The following GNAI1 variants were observed in gnomAD, a reference collection of about 807,000 sequenced individuals.
GNAI1 encodes the protein guanine nucleotide-binding protein G(i) subunit alpha-1.
In GNAI1, 11 loss-of-function variants were observed where a neutral mutation model predicts 38.9. The observed-to-expected ratio is 0.28, with a 90% confidence interval of 0.18 to 0.47. GNAI1 has a LOEUF of 0.47. Among genes scored for constraint, GNAI1 ranks in the 20% least tolerant of loss-of-function variants. The pLI, the probability that GNAI1 is intolerant of heterozygous loss-of-function variation, is 0.99. For synonymous variants in GNAI1, 166 were observed against 145.1 expected (o/e 1.14, Z -1.04); for missense variants, 317 against 436.9 (o/e 0.73, Z 2.45).
At chr7:80,147,851 T>A (rs536514829) in intron 1 of GNAI1, among the ~76,000 whole-genome samples, 1 of 152,338 alleles carries the variant, frequency 6.6e-6, no homozygotes, top group East Asian at 1.9e-4. Flanking sequence ...AGTTACGACA[T>A]CTGGTTCTTA....
chr7:80,203,881 T>G (rs1454819844), intron 5 of GNAI1, 49 bp downstream of exon 5: 3 of 1,077,748 alleles, frequency 2.8e-6, no homozygotes, highest in Non-Finnish European at 2.7e-6. Flanking sequence ...AAAAACACAT[T>G]GCTTTAGAAA....
Position 80,224,455 on chromosome 7 carries a change from ATTTCT to A in GNAI1, c.*6964_*6968del, listed in dbSNP as rs1179286683. Among the ~76,000 whole-genome samples the A allele has an allele frequency of 1.3e-5, 2 of 152,132 alleles. No individual in the cohort carries two copies. Among genetic ancestry groups the A allele is most frequent in the Non-Finnish European group, 2.9e-5 (2 of 68,032 alleles). On this transcript the variant is annotated 3_prime_UTR_variant, in exon 8 of 8. Coordinates refer to ENST00000649796, the MANE Select transcript of GNAI1 (RefSeq NM_002069.6). ...AGCCATATCTTCAAAATCCAGTGTC[ATTTCT>A]TAGCCATATCTTCAAAATCCAGTGT...
At chr7:80,152,953 AC>A (rs1325640601) in intron 1 of GNAI1, among the ~76,000 whole-genome samples, 2 of 152,114 alleles carry the variant, frequency 1.3e-5, no homozygotes, top group Non-Finnish European at 2.9e-5. Flanking sequence ...TAAAAAAAAA[AC>A]CTGAGGCAAT....
chr7:80,224,400 C>A lies in GNAI1; in HGVS notation c.*6907C>A, dbSNP rs541178254. Among the ~76,000 whole-genome samples, 11 of 152,062 alleles carry A rather than the reference C, an allele frequency of 7.2e-5. No homozygotes were observed. The highest frequency in any genetic ancestry group is 2.7e-4 in the African/African-American group (11 of 41,458). On this transcript the variant is annotated 3_prime_UTR_variant, in exon 8 of 8. Coordinates refer to ENST00000649796, the MANE Select transcript of GNAI1 (RefSeq NM_002069.6). ...AATCTAGAGTTAAGACCTTTGTTAG[C>A]CATATCTTCAAAATCCAGTGTCATT...
intron 1 of GNAI1, among the ~76,000 whole-genome samples, chr7:80,142,244 T>C (rs1222842646): frequency 6.6e-6 from 1 of 152,212 alleles, no homozygotes; most frequent in Non-Finnish European, 1.5e-5. Flanking sequence ...CAGTATCTTA[T>C]ATATCACTTT....
At chr7:80,159,756 G>A (rs1319819301) in intron 1 of GNAI1, among the ~76,000 whole-genome samples, 1 of 152,150 alleles carries the variant, frequency 6.6e-6, no homozygotes, top group Non-Finnish European at 1.5e-5. Flanking sequence ...AGAGTCTAGT[G>A]TTCAAGTAGG....
intron 4 of GNAI1, 24 bp from the exon 5 acceptor site, chr7:80,203,680 G>T: frequency 6.7e-7 from 1 of 1,489,666 alleles, no homozygotes; most frequent in Non-Finnish European, 9.3e-7. Flanking sequence ...CCATTAACAT[G>T]TTGTTTTGTT....
chr7:80,168,233 T>G (rs548200076), intron 1 of GNAI1, among the ~76,000 whole-genome samples: 68 of 152,196 alleles, frequency 4.5e-4, no homozygotes, highest in African/African-American at 1.6e-3. Context: ...TACTTAACCC[T>G]CTTTTTACTC....
intron 1 of GNAI1, among the ~76,000 whole-genome samples, chr7:80,152,852 T>C (rs1442490551): frequency 1.3e-5 from 2 of 152,078 alleles, no homozygotes; most frequent in Non-Finnish European, 2.9e-5. Context: ...ATTACAGGCA[T>C]GAGCCACTGC....
chr7:80,167,084 C>G (rs1788022642), intron 1 of GNAI1, among the ~76,000 whole-genome samples: 1 of 152,134 alleles, frequency 6.6e-6, no homozygotes, highest in Admixed American at 6.5e-5. Flanking sequence ...CTAAGGTCAC[C>G]TGAGAACCAT....
chr7:80,158,009 C>T (rs552972992), intron 1 of GNAI1, among the ~76,000 whole-genome samples: 2 of 152,174 alleles, frequency 1.3e-5, no homozygotes, highest in East Asian at 3.9e-4. Flanking sequence ...ACACCCGGCC[C>T]TGAAGAATAT....
chr7:80,143,821 C>T (rs907267697), intron 1 of GNAI1, among the ~76,000 whole-genome samples: 4 of 152,068 alleles, frequency 2.6e-5, no homozygotes, highest in African/African-American at 9.7e-5. Flanking sequence ...TTCAGAGACT[C>T]TGTGGAATCA....
Position 80,152,817 on chromosome 7 carries a change from C to T in GNAI1, c.118+17539C>T, listed in dbSNP as rs542743789. Among the ~76,000 whole-genome samples the T allele has an allele frequency of 2.6e-4, 40 of 151,800 alleles. No individual in the cohort carries two copies. In the South Asian group the frequency reaches 5.4e-3, roughly 20 times the overall value. ...TGATCTCCTGACCTCCTGATATGCCCGCCTCGGCCTCCCAAAGTGCTGGGA... is the reference window on the plus strand; with the variant it reads ...TGATCTCCTGACCTCCTGATATGCCTGCCTCGGCCTCCCAAAGTGCTGGGA... On this transcript the variant is annotated intron_variant, in intron 1 of 7. Coordinates refer to ENST00000649796, the MANE Select transcript of GNAI1 (RefSeq NM_002069.6).
rs71518978 is a variant in GNAI1, at chr7:80,221,636, CTTTTTTTT to C, written c.*4161_*4168del. 1.0e-3 allele frequency among the ~76,000 whole-genome samples: 99 copies of C among 94,358 alleles called. No individual in the cohort carries two copies. Among genetic ancestry groups the C allele is most frequent in the African/African-American group, 3.8e-3 (93 of 24,272 alleles). The allele number at this position is 94,358 out of a possible 152,430, so 61.9% of individuals were successfully genotyped here. A position where few individuals can be genotyped will look rare whatever the true frequency, so the allele number is the denominator to read the frequency against. ...ATTTTAATGTTAGGTTGGAAATTTT[CTTTTTTTT>C]TTTTTTTTTTTTTTTTTGGTATGGA... On this transcript the variant is annotated 3_prime_UTR_variant, in exon 8 of 8. Coordinates refer to ENST00000649796, the MANE Select transcript of GNAI1 (RefSeq NM_002069.6).
chr7:80,143,783 A>C (rs1787567950), intron 1 of GNAI1, among the ~76,000 whole-genome samples: 1 of 152,170 alleles, frequency 6.6e-6, no homozygotes. Flanking sequence ...ATACATTCTT[A>C]ATAATTATAG....
chr7:80,183,470 A>G (rs1210918142), intron 1 of GNAI1, among the ~76,000 whole-genome samples: 4 of 152,198 alleles, frequency 2.6e-5, no homozygotes, highest in Non-Finnish European at 5.9e-5. Flanking sequence ...AAGATTTCTT[A>G]AAAGGAGAGT....
At chr7:80,197,946 A>ATTGT (rs1460319837) in intron 3 of GNAI1, among the ~76,000 whole-genome samples, 1 of 152,134 alleles carries the variant, frequency 6.6e-6, no homozygotes, top group African/African-American at 2.4e-5. Context: ...ATCTGCTACA[A>ATTGT]TACTTTGGAA....
At chr7:80,202,705 A>C (rs1175052358) in intron 4 of GNAI1, among the ~76,000 whole-genome samples, 3 of 152,186 alleles carry the variant, frequency 2.0e-5, no homozygotes, top group Non-Finnish European at 2.9e-5. Context: ...TTTTATTTCT[A>C]AGTTATCAGT....
rs1239190287 is a variant in GNAI1, at chr7:80,221,381, TA to T, written c.*3889del. 6.6e-6 allele frequency among the ~76,000 whole-genome samples: 1 copy of T among 152,206 alleles called. No homozygotes were observed. Among genetic ancestry groups the T allele is most frequent in the Non-Finnish European group, 1.5e-5 (1 of 68,036 alleles). ...TCAATACAATTTGCTGTTATTTGAT[TA>T]TAAATAATAGTTTTAAGGTGCCTTT... On this transcript the variant is annotated 3_prime_UTR_variant, in exon 8 of 8. Transcript: ENST00000649796.
Sources: gnomAD v4.1 joint callset for allele counts (sites outside exome capture counted in the v4.1 genomes callset) on GRCh38, gnomAD v4.1.1 for gene constraint, MANE v1.5 for transcripts, NCBI Gene and HGNC (gene_info 2026-07-23, HGNC 2026-07-21) for gene names.